The following ARID1B variants were observed in gnomAD, a reference collection of about 807,000 sequenced individuals.
The protein encoded by ARID1B is AT-rich interactive domain-containing protein 1B.
A neutral mutation model predicts 212.3 loss-of-function variants in ARID1B; 30 were observed. The ratio of observed to expected loss-of-function variants is 0.14; its 90% CI spans 0.11 to 0.19. The LOEUF (loss-of-function observed/expected upper bound fraction) is 0.19. Ranked by LOEUF, ARID1B falls within the 10% of genes least tolerant of loss-of-function variation. ARID1B has a pLI of 1.00. For synonymous variants in ARID1B, 1,402 were observed against 1,301.7 expected (o/e 1.08, Z -1.66); for missense variants, 2,891 against 3,204.0 (o/e 0.90, Z 2.36).
intron 11 of ARID1B, among the ~76,000 whole-genome samples, chr6:157,178,452 A>G (rs1425925689): frequency 6.6e-6 from 1 of 152,178 alleles, no homozygotes; most frequent in African/African-American, 2.4e-5. Flanking sequence ...CGTGCTGCAA[A>G]GGAAAAGTAA....
intron 4 of ARID1B, chr6:157,071,984 T>A (rs1057235297): frequency 3.9e-5 from 6 of 152,218 alleles, no homozygotes; most frequent in Non-Finnish European, 5.9e-5. Flanking sequence ...ACTTGCTAAA[T>A]GGGGACCATA....
intron 4 of ARID1B, among the ~76,000 whole-genome samples, chr6:156,975,615 T>TC (rs1777179838): frequency 6.9e-6 from 1 of 145,734 alleles, no homozygotes; most frequent in Admixed American, 6.8e-5. Context: ...TTTTTTTTCT[T>TC]TTTTTTTTTT....
rs751665775 is a variant in ARID1B at position 157,190,321 on chromosome 6, G to A, written c.4231+111G>A. On this transcript the variant is annotated intron_variant, in intron 15 of 19. Transcript: ENST00000636930. The surrounding 1 kb of genome is among the most constrained non-coding windows in gnomAD (Gnocchi z 4.6). ...AACACCTCTGAGCCCATGCTGCATC[G>A]GTGTGGGTCCCAGGTCCCCATCCTA... 58 of 1,304,238 alleles carry A rather than the reference G, an allele frequency of 4.4e-5. No homozygotes were observed. Among genetic ancestry groups the A allele is most frequent in the Non-Finnish European group, 5.4e-5 (53 of 974,552 alleles). 80.8% of individuals were successfully genotyped at this position (1,304,238 alleles called of 1,614,324 possible). A position where few individuals can be genotyped will look rare whatever the true frequency, so the allele number is the denominator to read the frequency against.
At chr6:157,144,325 C>G (rs946887874) in intron 7 of ARID1B, among the ~76,000 whole-genome samples, 16 of 152,150 alleles carry the variant, frequency 1.1e-4, no homozygotes, top group African/African-American at 3.9e-4. Context: ...CGCTTGTTTT[C>G]TAAAACAAGA....
At chr6:156,909,484 C>T (rs1582926519) in intron 3 of ARID1B, among the ~76,000 whole-genome samples, 1 of 152,246 alleles carries the variant, frequency 6.6e-6, no homozygotes, top group Non-Finnish European at 1.5e-5. Context: ...AAATATAATT[C>T]CACTTGTCTA....
chr6:156,930,928 T>C (rs533430429), intron 3 of ARID1B, among the ~76,000 whole-genome samples: 39 of 152,286 alleles, frequency 2.6e-4, no homozygotes, highest in East Asian at 1.7e-3. Context: ...GAGTGGCTTA[T>C]GCCTGTAATC....
intron 2 of ARID1B, among the ~76,000 whole-genome samples, chr6:156,859,758 C>T (rs1583173009): frequency 6.6e-6 from 1 of 152,206 alleles, no homozygotes; most frequent in East Asian, 1.9e-4. Context: ...CTGAGTTGTC[C>T]TTCCAAGCCT....
At chr6:156,905,514 T>A in intron 3 of ARID1B, among the ~76,000 whole-genome samples, 1 of 152,228 alleles carries the variant, frequency 6.6e-6, no homozygotes, top group East Asian at 1.9e-4. Context: ...AGAGTCTCCG[T>A]TGAAATTGTT....
At chr6:157,033,518 G>A (rs1781138849) in intron 4 of ARID1B, among the ~76,000 whole-genome samples, 1 of 152,216 alleles carries the variant, frequency 6.6e-6, no homozygotes, top group African/African-American at 2.4e-5. Context: ...GAAAGTGAAA[G>A]AGAAAGGAAA....
At chr6:156,853,064 CTGG>C (rs1389936574) in intron 2 of ARID1B, among the ~76,000 whole-genome samples, 1 of 152,152 alleles carries the variant, frequency 6.6e-6, no homozygotes, top group African/African-American at 2.4e-5. Flanking sequence ...ATCGGTTTGA[CTGG>C]TGGAATTACT....
intron 4 of ARID1B, among the ~76,000 whole-genome samples, chr6:157,056,978 A>G (rs1166881997): frequency 6.6e-6 from 1 of 151,138 alleles, no homozygotes. Context: ...GGAGTTGTGC[A>G]GGTTATTTTA....
chr6:156,989,602 C>CA (rs1422055382), intron 4 of ARID1B, among the ~76,000 whole-genome samples: 1 of 152,188 alleles, frequency 6.6e-6, no homozygotes, highest in African/African-American at 2.4e-5. Context: ...TGACTGTGGC[C>CA]AAATTACTTA....
intron 5 of ARID1B, among the ~76,000 whole-genome samples, chr6:157,099,702 T>C (rs1170591244): frequency 6.6e-6 from 1 of 152,180 alleles, no homozygotes; most frequent in African/African-American, 2.4e-5. Flanking sequence ...AGCTAATCTA[T>C]CTTCAAGCCT....
At chr6:157,202,313 G>T (rs1262304412) in intron 18 of ARID1B, among the ~76,000 whole-genome samples, 1 of 152,136 alleles carries the variant, frequency 6.6e-6, no homozygotes, top group Non-Finnish European at 1.5e-5. Context: ...ATAGATCTGA[G>T]TTATATTAGG....
intron 1 of ARID1B, among the ~76,000 whole-genome samples, chr6:156,828,695 A>G (rs1030071867): frequency 2.0e-5 from 3 of 152,230 alleles, no homozygotes; most frequent in Non-Finnish European, 4.4e-5. Context: ...TCTGAACAAA[A>G]TCTTTACCCT....
chr6:156,801,352 A>G (rs943859982), intron 1 of ARID1B, among the ~76,000 whole-genome samples: 5 of 151,800 alleles, frequency 3.3e-5, no homozygotes, highest in Non-Finnish European at 5.9e-5. Context: ...GGTGCCCGCC[A>G]CCAGGTCTGG....
intron 4 of ARID1B, among the ~76,000 whole-genome samples, chr6:156,994,116 A>G (rs1013143886): frequency 5.9e-5 from 9 of 152,236 alleles, no homozygotes; most frequent in East Asian, 5.8e-4. Flanking sequence ...TGCTTTTTCC[A>G]TAAGTACATT....
intron 4 of ARID1B, among the ~76,000 whole-genome samples, chr6:156,963,241 CAAA>C (rs1412344192): frequency 1.3e-5 from 2 of 152,154 alleles, no homozygotes; most frequent in Non-Finnish European, 2.9e-5. Context: ...TAGGGAGTAA[CAAA>C]GAAGTCTGTT....
Position 156,778,349 on chromosome 6 carries a change from G to GGGCGGCGCGGGC in ARID1B, c.679_690dup (p.Gly227_Ala230dup), listed in dbSNP as rs761104507. ...ATCCCATTTCCAACAACAACAGCTT[G>GGGCGGCGCGGGC]GGCGGCGCGGGCGGCGGCGCGCCTC... On this transcript the variant is annotated inframe_insertion, in exon 1 of 20. Transcript: ENST00000636930. 1.9e-6 allele frequency: 3 copies of GGGCGGCGCGGGC among 1,540,002 alleles called. No homozygotes were observed. Among genetic ancestry groups the GGGCGGCGCGGGC allele is most frequent in the Non-Finnish European group, 2.6e-6 (3 of 1,145,886 alleles).
Sources: allele counts gnomAD v4.1 joint callset (sites outside exome capture counted in the v4.1 genomes callset), GRCh38; gene constraint gnomAD v4.1.1; non-coding constraint Gnocchi (gnomAD v3.1); transcripts MANE v1.5; gene names NCBI Gene and HGNC (gene_info 2026-07-23, HGNC 2026-07-21).